The following SLC6A15 variants were observed in gnomAD, a reference collection of about 807,000 sequenced individuals.
The protein encoded by SLC6A15 is sodium-dependent neutral amino acid transporter B(0)AT2.
Under a neutral mutation model 68.5 loss-of-function variants are expected in SLC6A15, and 33 were observed. The observed-to-expected ratio is 0.48, with a 90% CI of 0.37 to 0.64. SLC6A15 has a LOEUF of 0.64. Ranked by LOEUF, SLC6A15 falls within the 30% of genes least tolerant of loss-of-function variation. SLC6A15 has a pLI of 0.00. For synonymous variants in SLC6A15, 347 were observed against 301.0 expected (o/e 1.15, Z -1.58); for missense variants, 747 against 874.3 (o/e 0.85, Z 1.84).
Position 84,891,920 on chromosome 12 carries a change from T to C in SLC6A15, c.201A>G (p.Lys67=), listed in dbSNP as rs775064876. The change falls in exon 2 of 12, where the codon AAA becomes AAG. Residue 67 remains lysine, a synonymous_variant. Transcript: ENST00000266682. Reference sequence around the variant, plus strand: ...CAACTTGGGCCAGGATGTATTGTAGTTTACTGTTCCAAGCTGGTCTTTCAT... The same window carrying C: ...CAACTTGGGCCAGGATGTATTGTAGCTTACTGTTCCAAGCTGGTCTTTCAT... ...VEDERPAWNS[K]LQYILAQVGF... is the part of the protein sequence containing the mutation. 1.6e-5 allele frequency: 26 copies of C among 1,614,020 alleles called. No homozygotes were observed. The highest frequency in any genetic ancestry group is 2.2e-5 in the East Asian group (1 of 44,858).
chr12:84,890,776 G>A (rs924434174), intron 2 of SLC6A15, among the ~76,000 whole-genome samples: 1 of 152,022 alleles, frequency 6.6e-6, no homozygotes, highest in African/African-American at 2.4e-5. Flanking sequence ...ATTTGATGTA[G>A]GGTTTGTAGA....
chr12:84,875,486 A>AGAAG (rs1871475153), intron 6 of SLC6A15, among the ~76,000 whole-genome samples: 1 of 151,680 alleles, frequency 6.6e-6, no homozygotes, highest in African/African-American at 2.4e-5. Flanking sequence ...AGAATTCCAG[A>AGAAG]GAAGCTAATC....
chr12:84,900,841 T>C lies in SLC6A15; in HGVS notation c.-188-8533A>G, dbSNP rs920528869. 2.6e-5 allele frequency among the ~76,000 whole-genome samples: 4 copies of C among 151,242 alleles called. No individual in the cohort carries two copies. In the East Asian group the frequency reaches 7.7e-4, roughly 29 times the overall value. On this transcript the variant is annotated intron_variant, in intron 1 of 11. Transcript: ENST00000266682. ...ATATATCACTAAAATAAATCTGCTA[T>C]ATTTTGTTATAGATTTTCTTTCAAC...
intron 5 of SLC6A15, chr12:84,880,930 C>A: frequency 1.0e-6 from 1 of 968,632 alleles, no homozygotes; most frequent in Non-Finnish European, 1.2e-6. Context: ...CAGTTTTAGC[C>A]CTGTCTATCA....
At chr12:84,868,633 A>T (rs1184599796) in intron 9 of SLC6A15, among the ~76,000 whole-genome samples, 3 of 152,218 alleles carry the variant, frequency 2.0e-5, no homozygotes, top group African/African-American at 7.2e-5. Flanking sequence ...AGAAGTAAAC[A>T]CACCTACCAA....
At chr12:84,870,800 T>G (rs1206058463) in intron 8 of SLC6A15, 130 bp from the exon 9 acceptor site, 3 of 527,400 alleles carry the variant, frequency 5.7e-6, no homozygotes, top group Non-Finnish European at 9.8e-6. Flanking sequence ...CATGCTCAAA[T>G]CAGCTCTTAA....
Position 84,892,133 on chromosome 12 carries a change from G to T in SLC6A15, c.-13C>A. 3 of 1,451,880 alleles carry T rather than the reference G, an allele frequency of 2.1e-6. No individual in the cohort carries two copies. Among genetic ancestry groups the T allele is most frequent in the Non-Finnish European group, 1.8e-6 (2 of 1,097,488 alleles). The allele number at this position is 1,451,880 out of a possible 1,614,324, so 89.9% of individuals were successfully genotyped here. On this transcript the variant is annotated 5_prime_UTR_variant, in exon 2 of 12. Coordinates refer to ENST00000266682, the MANE Select transcript of SLC6A15 (RefSeq NM_182767.6). Reference sequence around the variant, plus strand: ...TATTTTTGGGCATTGGAGAGTATGCGAAGTATTTAAAAAAAAAAAAAAAAA... The same window carrying T: ...TATTTTTGGGCATTGGAGAGTATGCTAAGTATTTAAAAAAAAAAAAAAAAA...
At chr12:84,900,275 T>G (rs1872801129) in intron 1 of SLC6A15, among the ~76,000 whole-genome samples, 1 of 152,174 alleles carries the variant, frequency 6.6e-6, no homozygotes, top group Non-Finnish European at 1.5e-5. Flanking sequence ...TCAATTATAT[T>G]TTGCTAGTAT....
rs80344145 is a variant in SLC6A15 at position 84,903,640 on chromosome 12, G to T, written c.-189+8883C>A. 3.4e-4 allele frequency among the ~76,000 whole-genome samples: 52 copies of T among 152,038 alleles called. No homozygotes were observed. The East Asian group carries it at 8.6e-3, about 25-fold the overall frequency. ...GGCTGCTGGCATTCCTCAATTTGTG[G>T]CCTCATTACTCCATTCTCTGTTTCT... is the stretch of plus-strand genomic sequence containing the variant. On this transcript the variant is annotated intron_variant, in intron 1 of 11. Coordinates refer to ENST00000266682, the MANE Select transcript of SLC6A15 (RefSeq NM_182767.6).
At chr12:84,893,895 G>A (rs1182090700) in intron 1 of SLC6A15, among the ~76,000 whole-genome samples, 1 of 152,128 alleles carries the variant, frequency 6.6e-6, no homozygotes, top group African/African-American at 2.4e-5. Flanking sequence ...AATTGTGAAA[G>A]AGATGCATTC....
At chr12:84,902,213 A>G (rs1378815911) in intron 1 of SLC6A15, among the ~76,000 whole-genome samples, 1 of 151,998 alleles carries the variant, frequency 6.6e-6, no homozygotes, top group Non-Finnish European at 1.5e-5. Flanking sequence ...AGAGCCAATC[A>G]AAAGGAAGGG....
At chr12:84,901,777 T>G (rs1160205752) in intron 1 of SLC6A15, among the ~76,000 whole-genome samples, 1 of 151,862 alleles carries the variant, frequency 6.6e-6, no homozygotes, top group Non-Finnish European at 1.5e-5. Context: ...AATAAAGCAC[T>G]AGAACACTAG....
intron 1 of SLC6A15, among the ~76,000 whole-genome samples, chr12:84,900,797 C>T (rs2120715296): frequency 6.6e-6 from 1 of 151,264 alleles, no homozygotes; most frequent in South Asian, 2.1e-4. Context: ...CTCACTTGGT[C>T]AAGATGAATT....
chr12:84,872,415 T>G (rs549082182), intron 8 of SLC6A15, among the ~76,000 whole-genome samples, 187 bp downstream of exon 8: 1 of 152,282 alleles, frequency 6.6e-6, no homozygotes, highest in Non-Finnish European at 1.5e-5. Flanking sequence ...CTTTACCATT[T>G]AAGAAAACAT....
intron 1 of SLC6A15, among the ~76,000 whole-genome samples, chr12:84,901,019 T>C (rs995071772): frequency 7.6e-6 from 1 of 131,794 alleles, no homozygotes; most frequent in South Asian, 2.2e-4. Context: ...TACATACATA[T>C]ATACATGTAT....
Position 84,870,460 on chromosome 12 carries a change from C to A in SLC6A15, c.1495+18G>T. 1 of 1,507,684 alleles carries A rather than the reference C, an allele frequency of 6.6e-7. No homozygotes were observed. The highest frequency in any genetic ancestry group is 1.4e-5 in the South Asian group (1 of 73,280). The allele number at this position is 1,507,684 out of a possible 1,614,324, so 93.4% of individuals were successfully genotyped here. A position where few individuals can be genotyped will look rare whatever the true frequency, so the allele number is the denominator to read the frequency against. On this transcript the variant is annotated intron_variant, in intron 9 of 11. Transcript: ENST00000266682. ...GGCCTGGATTTGTTCAATGAAAAGTCAAATACAAAAAACTCACCAGTAAGA... is the reference window on the plus strand; with the variant it reads ...GGCCTGGATTTGTTCAATGAAAAGTAAAATACAAAAAACTCACCAGTAAGA...
At chr12:84,869,461 T>C (rs1189982204) in intron 9 of SLC6A15, among the ~76,000 whole-genome samples, 2 of 78,748 alleles carry the variant, frequency 2.5e-5, no homozygotes, top group East Asian at 2.7e-4. Flanking sequence ...CAAGACTCCG[T>C]CTCAAAAAAA....
intron 5 of SLC6A15, among the ~76,000 whole-genome samples, chr12:84,878,525 A>T (rs897807908): frequency 6.6e-6 from 1 of 152,126 alleles, no homozygotes; most frequent in Non-Finnish European, 1.5e-5. Context: ...CTGCTTTATA[A>T]ATAATATAAT....
chr12:84,881,861 A>G (rs1871836006), intron 5 of SLC6A15: 1 of 985,190 alleles, frequency 1.0e-6, no homozygotes, highest in Admixed American at 6.2e-5. Flanking sequence ...AATTGTGACA[A>G]TTTTGGCTTC....
Sources: gnomAD v4.1 joint callset for allele counts (sites outside exome capture counted in the v4.1 genomes callset) on GRCh38, gnomAD v4.1.1 for gene constraint, MANE v1.5 for transcripts, NCBI Gene and HGNC (gene_info 2026-07-23, HGNC 2026-07-21) for gene names.